ERCC2: variants seen among roughly 807,000 people sequenced by gnomAD.
ERCC2 encodes ERCC excision repair 2, TFIIH core complex helicase subunit.
In ERCC2, 90 loss-of-function variants were observed where a neutral mutation model predicts 99.4. That is an observed-to-expected ratio of 0.91 (90% CI 0.76 to 1.08). The LOEUF is 1.08. Ranked by LOEUF, ERCC2 falls within the 50% of genes least tolerant of loss-of-function variation. ERCC2 has a pLI of 0.00. For synonymous variants in ERCC2, 497 were observed against 432.4 expected (o/e 1.15, Z -1.85); for missense variants, 993 against 1,038.1 (o/e 0.96, Z 0.60).
chr19:45,354,702 G>A (rs1971952334), intron 17 of ERCC2, 28 bp downstream of exon 17: 2 of 1,612,958 alleles, frequency 1.2e-6, no homozygotes, highest in South Asian at 2.2e-5. Context: ...GAGGAGAGCA[G>A]GTGCAGGGAG....
chr19:45,359,626 C>T (rs1425886660), intron 12 of ERCC2, among the ~76,000 whole-genome samples: 1 of 152,194 alleles, frequency 6.6e-6, no homozygotes, highest in Admixed American at 6.5e-5. Flanking sequence ...AGGCACCACG[C>T]TCCCCATATC....
rs1253948663 is a variant in ERCC2 at position 45,349,917 on chromosome 19, GTCCCTATGAGGTGGGAGCTGTCGC to G, written c.*1688_*1711del. On this transcript the variant is annotated 3_prime_UTR_variant, in exon 23 of 23. Coordinates refer to ENST00000391945, the MANE Select transcript of ERCC2 (RefSeq NM_000400.4). The stretch of plus-strand genomic sequence containing the variant: ...TCCCCACATCGCTAGTTCTTATAGC[GTCCCTATGAGGTGGGAGCTGTCGC>G]TCCACTTTGCGTGTGGGAAGACTGA... The G allele has an allele frequency of 4.6e-6, 2 of 434,690 alleles. No homozygotes were observed. Among genetic ancestry groups the G allele is most frequent in the Non-Finnish European group, 8.2e-6 (2 of 242,718 alleles). The allele number at this position is 434,690 out of a possible 1,614,324, so 26.9% of individuals were successfully genotyped here.
At chr19:45,365,192 G>T in intron 5 of ERCC2, 34 bp from the exon 6 acceptor site, 1 of 1,558,016 alleles carries the variant, frequency 6.4e-7, no homozygotes, top group South Asian at 1.1e-5. Flanking sequence ...ACCCAGACAG[G>T]GTGGAAACCC....
At position 45,352,536 on chromosome 19, in the gene ERCC2, C is replaced by A; in HGVS notation, c.2016G>T (p.Thr672=). ...QCVGRAIRGK[T]DYGLMVFADK... ...CGGCAAAGACCATGAGGCCGTAGTC[C>A]GTCTTGCCCCTGATGGCCCGACCCA... The change falls in exon 21 of 23, where the codon ACG becomes ACT. Residue 672 remains threonine, a synonymous_variant. Transcript: ENST00000391945. The A allele has an allele frequency of 1.2e-6, 2 of 1,614,148 alleles. No individual in the cohort carries two copies. Among genetic ancestry groups the A allele is most frequent in the Non-Finnish European group, 1.7e-6 (2 of 1,180,030 alleles).
At chr19:45,353,369 A>T in intron 17 of ERCC2, 35 bp from the exon 18 acceptor site, 1 of 1,468,486 alleles carries the variant, frequency 6.8e-7, no homozygotes, top group South Asian at 1.2e-5. Flanking sequence ...GGGTGGGTTC[A>T]GGGCACAGCC....
chr19:45,355,566 A>C, intron 16 of ERCC2, 99 bp downstream of exon 16: 6 of 1,082,734 alleles, frequency 5.5e-6, no homozygotes, highest in Non-Finnish European at 8.6e-6. Context: ...CTGAGCAACT[A>C]AGGCCAGGGA....
At chr19:45,353,001 C>T (rs1023274862) in intron 19 of ERCC2, 82 bp downstream of exon 19, 49 of 1,477,772 alleles carry the variant, frequency 3.3e-5, no homozygotes, top group African/African-American at 1.9e-4. Flanking sequence ...GGTGGTTCCC[C>T]GCGGGAGCAG....
At chr19:45,357,184 C>A in intron 15 of ERCC2, 86 bp downstream of exon 15, 1 of 947,796 alleles carries the variant, frequency 1.1e-6, no homozygotes, top group Non-Finnish European at 1.7e-6. Flanking sequence ...GCTCTCCTGC[C>A]TGAGCAGTGG....
intron 12 of ERCC2, among the ~76,000 whole-genome samples, chr19:45,360,821 CAGA>C (rs1005260851): frequency 2.0e-5 from 3 of 152,022 alleles, no homozygotes; most frequent in African/African-American, 7.2e-5. Context: ...GTTCAGCACC[CAGA>C]AGAAATCTTT....
At chr19:45,361,695 C>A (rs1168805983) in intron 11 of ERCC2, 53 bp from the exon 12 acceptor site, 18 of 1,294,338 alleles carry the variant, frequency 1.4e-5, no homozygotes, top group African/African-American at 2.9e-5. Flanking sequence ...TGAGCAGGAC[C>A]AGCAGCCCTG....
rs561464436 is a variant in ERCC2, at chr19:45,351,352, C to A, written c.*277G>T. The A allele has an allele frequency of 5.0e-6, 8 of 1,610,820 alleles. No homozygotes were observed. The highest frequency in any genetic ancestry group is 2.7e-5 in the African/African-American group (2 of 74,888). On this transcript the variant is annotated 3_prime_UTR_variant, in exon 23 of 23. Coordinates refer to ENST00000391945, the MANE Select transcript of ERCC2 (RefSeq NM_000400.4). ...CGCCAGCACCCAGGACCTGAGCCCC[C>A]ACTAACGTCCAGTGAACTGCGCTGG...
Position 45,363,756 on chromosome 19 carries a change from G to C in ERCC2, c.1105C>G (p.Arg369Gly). 1 of 1,534,932 alleles carries C rather than the reference G, an allele frequency of 6.5e-7. No individual in the cohort carries two copies. Among genetic ancestry groups the C allele is most frequent in the Non-Finnish European group, 8.7e-7 (1 of 1,146,898 alleles). ...CTGGGGCCGCACCTGAGGGGCTTGC[G>C]CTGGATGCACACGCGCTGGGCCAGG... ...SGLAQRVCIQ[R>G]KPLRFCAERL... is the part of the protein sequence containing the mutation. The change falls in exon 11 of 23, where the codon CGC becomes GGC. Residue 369 changes from arginine to glycine, a missense_variant. Transcript: ENST00000391945.
At chr19:45,352,448 A>T in intron 21 of ERCC2, 58 bp downstream of exon 21, 2 of 1,614,016 alleles carry the variant, frequency 1.2e-6, no homozygotes, top group Non-Finnish European at 1.7e-6. Flanking sequence ...AATGAACGGG[A>T]AACAGCCTGG....
At chr19:45,367,741 C>T (rs1428479813) in intron 5 of ERCC2, among the ~76,000 whole-genome samples, 11 of 151,824 alleles carry the variant, frequency 7.2e-5, no homozygotes, top group African/African-American at 2.2e-4. Context: ...CTCAAACTCC[C>T]GACCTCAGGT....
intron 2 of ERCC2, 102 bp downstream of exon 2, chr19:45,370,031 G>C: frequency 9.5e-7 from 1 of 1,058,142 alleles, no homozygotes; most frequent in Non-Finnish European, 1.4e-6. Flanking sequence ...GATTCCCAGG[G>C]ACCTCGGACT....
At position 45,353,276 on chromosome 19, in the gene ERCC2, G is replaced by A. The variant is rs1568532765; in HGVS notation, c.1724C>T (p.Ala575Val). ...CTTCTCCAGGGCGACACTGGTTTCGGCACCATCCTGGGTCTCAATAAAGAG... is the reference window on the plus strand; with the variant it reads ...CTTCTCCAGGGCGACACTGGTTTCGACACCATCCTGGGTCTCAATAAAGAG... Reference protein sequence around the residue: ...KLLFIETQDGAETSVALEKYQ... With the variant: ...KLLFIETQDGVETSVALEKYQ... The change falls in exon 18 of 23, where the codon GCC (alanine) becomes GTC (valine). Residue 575 changes from alanine (A) to valine (V), a missense_variant. Around this residue, in one of 3 missense-constraint regions of ERCC2, gnomAD observed 909 missense variants for 930.8 expected, o/e 0.98. Coordinates refer to ENST00000391945, the MANE Select transcript of ERCC2 (RefSeq NM_000400.4). 1 of 1,613,600 alleles carries A rather than the reference G, an allele frequency of 6.2e-7. No homozygotes were observed. The highest frequency in any genetic ancestry group is 1.1e-5 in the South Asian group (1 of 91,026).
chr19:45,356,252 C>G, intron 15 of ERCC2, among the ~76,000 whole-genome samples: 1 of 152,192 alleles, frequency 6.6e-6, no homozygotes, highest in East Asian at 1.9e-4. Context: ...GGGTCATTAC[C>G]GGTCCACAAC....
intron 22 of ERCC2, 77 bp downstream of exon 22, chr19:45,352,132 G>A (rs1478123019): frequency 1.1e-5 from 16 of 1,511,478 alleles, no homozygotes; most frequent in Non-Finnish European, 1.2e-5. Context: ...AGGGTGGGGA[G>A]TGGGGAGAAT....
At position 45,352,518 on chromosome 19, in the gene ERCC2, G is replaced by T; in HGVS notation, c.2034C>A (p.Val678=). 6.2e-7 allele frequency: 1 copy of T among 1,614,198 alleles called. No individual in the cohort carries two copies. The highest frequency in any genetic ancestry group is 1.6e-4 in the Middle Eastern group (1 of 6,062). The stretch of plus-strand genomic sequence containing the variant: ...CCTGAAGCTGCACCTTGTCGGCAAA[G>T]ACCATGAGGCCGTAGTCCGTCTTGC... The part of the protein sequence containing the change: ...IRGKTDYGLM[V]FADKRFARGD... Residue 678 remains valine (V), a synonymous_variant, in exon 21 of 23, where the codon GTC becomes GTA. Transcript: ENST00000391945.
Sources: gnomAD v4.1 joint callset for allele counts (sites outside exome capture counted in the v4.1 genomes callset) on GRCh38, gnomAD v4.1.1 for gene constraint, gnomAD v4.1.1 regional missense constraint, MANE v1.5 for transcripts, NCBI Gene and HGNC (gene_info 2026-07-23, HGNC 2026-07-21) for gene names.